The following RTN4RL1 variants were observed in gnomAD, a reference collection of about 807,000 sequenced individuals.
RTN4RL1 encodes the protein reticulon 4 receptor like 1.
In RTN4RL1, 7 loss-of-function variants were observed where a neutral mutation model predicts 25.6. The observed-to-expected ratio is 0.27, with a 90% CI of 0.16 to 0.51. The LOEUF (loss-of-function observed/expected upper bound fraction) is 0.51, where lower values mean the gene tolerates loss of function less well. Ranked by LOEUF, RTN4RL1 falls within the 20% of genes least tolerant of loss-of-function variation. The pLI is 0.97. For synonymous variants in RTN4RL1, 297 were observed against 288.2 expected (o/e 1.03, Z -0.31); for missense variants, 500 against 615.6 (o/e 0.81, Z 1.99).
At chr17:1,949,881 T>C (rs542285763) in intron 1 of RTN4RL1, among the ~76,000 whole-genome samples, 72 of 152,310 alleles carry the variant, frequency 4.7e-4, no homozygotes, top group South Asian at 2.3e-3. Context: ...GACTTCTGAA[T>C]TGAAACCTAA....
intron 1 of RTN4RL1, among the ~76,000 whole-genome samples, chr17:2,008,814 T>G (rs2067021211): frequency 6.6e-6 from 1 of 152,074 alleles, no homozygotes; most frequent in Non-Finnish European, 1.5e-5. Flanking sequence ...GCCTCCCAGG[T>G]GCACCTGGGA....
At chr17:1,940,771 C>A (rs1254228029) in intron 1 of RTN4RL1, among the ~76,000 whole-genome samples, 1 of 152,164 alleles carries the variant, frequency 6.6e-6, no homozygotes, top group Non-Finnish European at 1.5e-5. Flanking sequence ...GAAGGTGCTT[C>A]CCGCACCTGT....
chr17:1,961,092 G>A lies in RTN4RL1; in HGVS notation c.14-23284C>T, dbSNP rs187243052. On this transcript the variant is annotated intron_variant, in intron 1 of 1. Coordinates refer to ENST00000331238, the MANE Select transcript of RTN4RL1 (RefSeq NM_178568.4). Reference sequence around the variant, plus strand: ...CGCTCCCTGTGATATCCCCATCCCCGGGACAGGGCCAGGCACCCAGGTAGT... The same window carrying A: ...CGCTCCCTGTGATATCCCCATCCCCAGGACAGGGCCAGGCACCCAGGTAGT... Among the ~76,000 whole-genome samples, 209 of 152,256 alleles carry A rather than the reference G, an allele frequency of 1.4e-3. 1 individual carries two copies. Among genetic ancestry groups the A allele is most frequent in the African/African-American group, 4.8e-3 (200 of 41,540 alleles).
At position 2,010,919 on chromosome 17, in the gene RTN4RL1, G is replaced by A. The variant is rs182878320; in HGVS notation, c.13+13934C>T. ...TTTTATTCATCGCTTCACCCTCAGT[G>A]CCAAACCAGCAGTAGGCAGGCAGTT... On this transcript the variant is annotated intron_variant, in intron 1 of 1. Coordinates refer to ENST00000331238, the MANE Select transcript of RTN4RL1 (RefSeq NM_178568.4). 3.3e-5 allele frequency among the ~76,000 whole-genome samples: 5 copies of A among 152,218 alleles called. No individual in the cohort carries two copies. In the East Asian group the frequency reaches 9.7e-4, roughly 29 times the overall value.
At chr17:1,970,614 T>C (rs943085961) in intron 1 of RTN4RL1, among the ~76,000 whole-genome samples, 3 of 152,154 alleles carry the variant, frequency 2.0e-5, no homozygotes, top group African/African-American at 7.2e-5. Flanking sequence ...CCGCTGACAC[T>C]GTGTTCTTGG....
chr17:1,993,574 T>A (rs971523198), intron 1 of RTN4RL1, among the ~76,000 whole-genome samples: 30 of 152,298 alleles, frequency 2.0e-4, no homozygotes, highest in African/African-American at 6.5e-4. Context: ...TAAACTTATT[T>A]CGGCAGTTGA....
At chr17:1,992,567 GTAT>G (rs1232192503) in intron 1 of RTN4RL1, among the ~76,000 whole-genome samples, 1 of 152,146 alleles carries the variant, frequency 6.6e-6, no homozygotes, top group East Asian at 1.9e-4. Context: ...CCTATTGTGG[GTAT>G]TATTATTATC....
chr17:2,006,860 C>T (rs545695931), intron 1 of RTN4RL1, among the ~76,000 whole-genome samples: 5 of 150,816 alleles, frequency 3.3e-5, no homozygotes, highest in African/African-American at 9.8e-5. Context: ...TGGCCTCAAA[C>T]GATCCTCCTG....
intron 1 of RTN4RL1, among the ~76,000 whole-genome samples, chr17:1,941,276 A>G (rs1310597452): frequency 2.0e-5 from 3 of 152,346 alleles, no homozygotes; most frequent in Non-Finnish European, 2.9e-5. Flanking sequence ...AGGGGACACC[A>G]GGCAAGGACC....
rs1409765712 is a variant in RTN4RL1, at chr17:1,971,262, CT to C, written c.14-33455del. On this transcript the variant is annotated intron_variant, in intron 1 of 1. Transcript: ENST00000331238. Reference sequence around the variant, plus strand: ...GTTCCTCCTTCACATGCTCTCTCTCCTGTCGCCTTGCGAAGAAGGATGTGTT... The same window carrying C: ...GTTCCTCCTTCACATGCTCTCTCTCCGTCGCCTTGCGAAGAAGGATGTGTT... Among the ~76,000 whole-genome samples, 15 of 152,320 alleles carry C rather than the reference CT, an allele frequency of 9.8e-5. No homozygotes were observed. In the East Asian group the frequency reaches 1.7e-3, roughly 18 times the overall value.
chr17:1,971,780 G>A (rs1165260988), intron 1 of RTN4RL1, among the ~76,000 whole-genome samples: 1 of 151,934 alleles, frequency 6.6e-6, no homozygotes, highest in Non-Finnish European at 1.5e-5. Flanking sequence ...AGCTAACATG[G>A]TGAAACCCCG....
At chr17:2,012,125 A>G (rs759832332) in intron 1 of RTN4RL1, among the ~76,000 whole-genome samples, 49 of 152,188 alleles carry the variant, frequency 3.2e-4, no homozygotes, top group Non-Finnish European at 5.9e-4. Context: ...TCATTTAGAC[A>G]TTTCAGATCT....
intron 1 of RTN4RL1, among the ~76,000 whole-genome samples, chr17:1,951,525 C>G (rs1401702577): frequency 6.6e-6 from 1 of 151,786 alleles, no homozygotes; most frequent in Non-Finnish European, 1.5e-5. Context: ...GATCTCGGCT[C>G]ACTGCAACCT....
intron 1 of RTN4RL1, among the ~76,000 whole-genome samples, chr17:2,010,401 C>T (rs2067035800): frequency 6.6e-6 from 1 of 152,102 alleles, no homozygotes; most frequent in South Asian, 2.1e-4. Flanking sequence ...CGCTTGAACC[C>T]AGGAGACGGA....
chr17:2,005,649 C>T (rs1355704084), intron 1 of RTN4RL1, among the ~76,000 whole-genome samples: 3 of 152,006 alleles, frequency 2.0e-5, no homozygotes, highest in Admixed American at 6.6e-5. Context: ...GGAGGATCGC[C>T]TGAGCCCGGG....
intron 1 of RTN4RL1, among the ~76,000 whole-genome samples, chr17:1,990,038 C>G (rs1282677414): frequency 2.0e-5 from 3 of 151,998 alleles, no homozygotes; most frequent in Non-Finnish European, 4.4e-5. Flanking sequence ...GAACTGTACA[C>G]TTAAAATGAT....
At position 1,944,774 on chromosome 17, in the gene RTN4RL1, C is replaced by T. The variant is rs116557948; in HGVS notation, c.14-6966G>A. Among the ~76,000 whole-genome samples the T allele has an allele frequency of 3.8e-3, 583 of 152,160 alleles. 3 individuals are homozygous for T. The highest frequency in any genetic ancestry group is 0.013 in the African/African-American group (556 of 41,496). On this transcript the variant is annotated intron_variant, in intron 1 of 1. Transcript: ENST00000331238. ...GCCCGGCCAACTTCAAAATGTATTA[C>T]GCAACTACCCACTTCTCATGGCCAC...
intron 1 of RTN4RL1, among the ~76,000 whole-genome samples, chr17:1,996,883 C>T (rs912331651): frequency 1.3e-5 from 2 of 152,196 alleles, no homozygotes; most frequent in African/African-American, 2.4e-5. Context: ...ACTCTGTGCA[C>T]AAAGAACCCA....
At chr17:2,013,683 G>A (rs966679775) in intron 1 of RTN4RL1, among the ~76,000 whole-genome samples, 1 of 96,272 alleles carries the variant, frequency 1.0e-5, no homozygotes, top group Non-Finnish European at 2.0e-5. Flanking sequence ...TACCCCAGCT[G>A]TCTCACCCTG....
Sources: gnomAD v4.1 joint callset for allele counts (sites outside exome capture counted in the v4.1 genomes callset) on GRCh38, gnomAD v4.1.1 for gene constraint, MANE v1.5 for transcripts, NCBI Gene and HGNC (gene_info 2026-07-23, HGNC 2026-07-21) for gene names.